The following BDH2 variants were observed in gnomAD, a reference collection of about 807,000 sequenced individuals.
BDH2 encodes the protein dehydrogenase/reductase SDR family member 6.
A neutral mutation model predicts 33.2 loss-of-function variants in BDH2; 24 were observed. That is an observed-to-expected ratio of 0.72 (90% confidence interval 0.52 to 1.02). The LOEUF (loss-of-function observed/expected upper bound fraction) is 1.02, where lower values mean the gene tolerates loss of function less well. Ranked by LOEUF, BDH2 falls within the 50% of genes least tolerant of loss-of-function variation. The pLI is 0.00. For missense variants in BDH2, 249 were observed against 301.6 expected (o/e 0.83, Z 1.29); for synonymous variants, 81 against 101.6 (o/e 0.80, Z 1.22).
chr4:103,095,617 G>A (rs187062796), intron 2 of BDH2, among the ~76,000 whole-genome samples: 80 of 152,168 alleles, frequency 5.3e-4, no homozygotes, highest in Admixed American at 5.2e-3. Flanking sequence ...TTCTGAGTTT[G>A]AGTTACTAAA....
chr4:103,083,028 C>T, intron 7 of BDH2, 99 bp from the exon 8 acceptor site: 2 of 1,104,104 alleles, frequency 1.8e-6, no homozygotes, highest in Non-Finnish European at 2.8e-6. Flanking sequence ...TGAGATTCTT[C>T]TCCTTGACTT....
rs774168008 is a variant in BDH2 at position 103,096,288 on chromosome 4, T to A, written c.-20-14A>T. ...CTGTGGTTTAATCTAAAGACATGTG[T>A]GTTTAATGGGTTATACTGTAGAACA... On this transcript the variant is annotated splice_polypyrimidine_tract_variant and intron_variant, in intron 1 of 9. Coordinates refer to ENST00000296424, the MANE Select transcript of BDH2 (RefSeq NM_020139.4). 23 of 1,533,438 alleles carry A rather than the reference T, an allele frequency of 1.5e-5. No individual in the cohort carries two copies. The South Asian group carries it at 2.6e-4, about 17-fold the overall frequency. The allele number at this position is 1,533,438 out of a possible 1,614,324, so 95.0% of individuals were successfully genotyped here.
At chr4:103,083,018 T>A in intron 7 of BDH2, 89 bp from the exon 8 acceptor site, 1 of 1,187,082 alleles carries the variant, frequency 8.4e-7, no homozygotes, top group Non-Finnish European at 1.3e-6. Context: ...TGACAATCAG[T>A]GAGATTCTTC....
chr4:103,091,204 G>C lies in BDH2; in HGVS notation c.330C>G (p.Tyr110Ter), dbSNP rs865999026. 3.7e-6 allele frequency: 6 copies of C among 1,612,430 alleles called. No homozygotes were observed. The African/African-American group carries it at 8.0e-5, about 22-fold the overall frequency. ...TAGGAAGGAATGCCTTGATCATCAGGTACATGCTGCGCACATTGAGATTCA... is the reference window on the plus strand; with the variant it reads ...TAGGAAGGAATGCCTTGATCATCAGCTACATGCTGCGCACATTGAGATTCA... Reference protein sequence around the residue: ...FSMNLNVRSMYLMIKAFLPKM... With the variant: ...FSMNLNVRSM Residue 110 changes from tyrosine (Y) to a stop codon, truncating the protein, a stop_gained, in exon 5 of 10, where the codon TAC becomes TAG. Coordinates refer to ENST00000296424, the MANE Select transcript of BDH2 (RefSeq NM_020139.4). LOFTEE classifies it high-confidence loss of function.
At chr4:103,088,133 T>C (rs1022342884) in intron 5 of BDH2, among the ~76,000 whole-genome samples, 5 of 152,166 alleles carry the variant, frequency 3.3e-5, no homozygotes, top group Admixed American at 6.5e-5. Context: ...TTTAACTTAA[T>C]TGTGTGTTTT....
rs1178344377 is a variant in BDH2, at chr4:103,092,797, T to C, written c.152-101A>G. ...GTGAAGATTGCAACATCTATCCAGCTAGGCTTCATAGATTGCTGACCTTCT... is the reference window on the plus strand; with the variant it reads ...GTGAAGATTGCAACATCTATCCAGCCAGGCTTCATAGATTGCTGACCTTCT... On this transcript the variant is annotated intron_variant, in intron 3 of 9. Coordinates refer to ENST00000296424, the MANE Select transcript of BDH2 (RefSeq NM_020139.4). The C allele has an allele frequency of 3.7e-6, 3 of 812,126 alleles. No individual in the cohort carries two copies. In the African/African-American group the frequency reaches 5.1e-5, roughly 14 times the overall value. The allele number at this position is 812,126 out of a possible 1,614,324, so 50.3% of individuals were successfully genotyped here.
At chr4:103,082,050 T>C in intron 9 of BDH2, 31 bp downstream of exon 9, 3 of 1,569,394 alleles carry the variant, frequency 1.9e-6, no homozygotes, top group Non-Finnish European at 2.6e-6. Flanking sequence ...TGATTGAGGG[T>C]AATGAACTCC....
At chr4:103,092,733 GT>G (rs769809068) in intron 3 of BDH2, 37 bp from the exon 4 acceptor site, 2 of 1,450,414 alleles carry the variant, frequency 1.4e-6, no homozygotes, top group Middle Eastern at 3.5e-4. Context: ...TCCTAAAAAT[GT>G]TTAGCCTTGA....
Position 103,082,115 on chromosome 4 carries a change from A to G in BDH2, c.650T>C (p.Ile217Thr). 2 of 1,614,142 alleles carry G rather than the reference A, an allele frequency of 1.2e-6. No homozygotes were observed. The highest frequency in any genetic ancestry group is 2.2e-5 in the East Asian group (1 of 44,886). The part of the protein sequence containing the change: ...KTGRFATAEE[I>T]AMLCVYLASD... ...AGCCAAATACACGCAGAGCATGGCT[A>G]TTTCTTCTGCAGTTGCGAATCTTCC... The change falls in exon 9 of 10, where the codon ATA (isoleucine) becomes ACA (threonine). Residue 217 changes from isoleucine to threonine, a missense_variant. By Grantham distance (89) the Ile-to-Thr change is moderately conservative. Transcript: ENST00000296424.
intron 7 of BDH2, among the ~76,000 whole-genome samples, chr4:103,083,399 C>T (rs1747614278): frequency 6.6e-6 from 1 of 152,204 alleles, no homozygotes; most frequent in Admixed American, 6.5e-5. Context: ...GGGACAATCC[C>T]ATGGCTACCA....
chr4:103,096,334 C>T, intron 1 of BDH2, 60 bp from the exon 2 acceptor site: 4 of 1,092,470 alleles, frequency 3.7e-6, no homozygotes, highest in Non-Finnish European at 5.5e-6. Context: ...CAGGCAGTAA[C>T]ATCTAGAATG....
chr4:103,094,846 T>C (rs1748299569), intron 3 of BDH2, among the ~76,000 whole-genome samples: 1 of 152,158 alleles, frequency 6.6e-6, no homozygotes, highest in Non-Finnish European at 1.5e-5. Context: ...CACAACATGT[T>C]ACTATTGGAC....
intron 5 of BDH2, among the ~76,000 whole-genome samples, chr4:103,086,839 T>C (rs7675057): frequency 0.23 from 34,273 of 152,170 alleles, 4,192 homozygotes; most frequent in African/African-American, 0.32. Context: ...AAATGAAATG[T>C]GAATAAATGT....
In BDH2 at chr4:103,079,602, G is replaced by A. The variant is rs1747409831; in HGVS notation, c.*100C>T. 3.5e-6 allele frequency: 4 copies of A among 1,149,352 alleles called. No individual in the cohort carries two copies. The Admixed American group carries it at 5.5e-5, about 16-fold the overall frequency. The allele number at this position is 1,149,352 out of a possible 1,614,324, so 71.2% of individuals were successfully genotyped here. A position where few individuals can be genotyped will look rare whatever the true frequency, so the allele number is the denominator to read the frequency against. ...AAAAAGAGCTTATTTTCATTAACAT[G>A]TGATTAACAGGAAGGAGATGATTGG... On this transcript the variant is annotated 3_prime_UTR_variant, in exon 10 of 10. Transcript: ENST00000296424.
intron 9 of BDH2, among the ~76,000 whole-genome samples, chr4:103,081,747 G>A (rs779066598): frequency 3.2e-4 from 49 of 152,144 alleles, no homozygotes; most frequent in Non-Finnish European, 2.4e-4. Context: ...TATAATCCTG[G>A]AGGTTCAATT....
chr4:103,085,568 C>T, intron 6 of BDH2, 106 bp from the exon 7 acceptor site: 1 of 1,416,418 alleles, frequency 7.1e-7, no homozygotes, highest in East Asian at 2.5e-5. Flanking sequence ...ATGCTTTCTC[C>T]CACATTCCTC....
At chr4:103,085,585 T>C in intron 6 of BDH2, 123 bp from the exon 7 acceptor site, 1 of 1,439,180 alleles carries the variant, frequency 6.9e-7, no homozygotes, top group Middle Eastern at 1.8e-4. Context: ...CCTCCCCTTT[T>C]AAAAAGATTG....
At chr4:103,096,150 G>A in intron 2 of BDH2, 33 bp downstream of exon 2, 1 of 1,520,734 alleles carries the variant, frequency 6.6e-7, no homozygotes, top group Non-Finnish European at 9.1e-7. Context: ...AGAGTTAGTA[G>A]GCAAACAACA....
In BDH2 at chr4:103,080,101, C is replaced by G. The variant is rs189297798; in HGVS notation, c.685-346G>C. Among the ~76,000 whole-genome samples, 14 of 152,244 alleles carry G rather than the reference C, an allele frequency of 9.2e-5. No individual in the cohort carries two copies. In the East Asian group the frequency reaches 2.1e-3, roughly 23 times the overall value. On this transcript the variant is annotated intron_variant, in intron 9 of 9. Transcript: ENST00000296424. ...TTTCATTTTGAAACTCAGAACTATT[C>G]AAAACTAGCTAAGTTTTATGCCACT...
Sources: gnomAD v4.1 joint callset for allele counts (sites outside exome capture counted in the v4.1 genomes callset) on GRCh38, gnomAD v4.1.1 for gene constraint, MANE v1.5 for transcripts, NCBI Gene and HGNC (gene_info 2026-07-23, HGNC 2026-07-21) for gene names.